Variants in NT5E observed in about 807,000 individuals in gnomAD.
NT5E encodes the protein 5'-nucleotidase.
In NT5E, 53 loss-of-function variants were observed where a neutral mutation model predicts 55.1. That is an observed-to-expected ratio of 0.96 (90% CI 0.77 to 1.21). NT5E has a LOEUF of 1.21. Among genes scored for constraint, NT5E ranks in the 50% most tolerant of loss-of-function variants. The pLI is 0.00. For synonymous variants in NT5E, 270 were observed against 278.4 expected, an observed-to-expected ratio of 0.97 and a Z score of 0.30; for missense variants, 683 against 724.3, an observed-to-expected ratio of 0.94 and a Z score of 0.65.
In NT5E at chr6:85,485,174, C is replaced by A. The variant is rs1487517877; in HGVS notation, c.752-61C>A. On this transcript the variant is annotated intron_variant, in intron 3 of 8. Transcript: ENST00000257770. ...TGTCATCCAGCCAGTAGCCCGCTGG[C>A]CTACAGCCAGCCATGTATGTACAAG... The A allele has an allele frequency of 3.9e-6, 6 of 1,533,884 alleles. No individual in the cohort carries two copies. The Admixed American group carries it at 8.4e-5, about 21-fold the overall frequency.
Position 85,489,611 on chromosome 6 carries a change from G to C in NT5E, c.1210+12G>C, listed in dbSNP as rs9450284. 912,970 of 1,585,018 alleles carry C rather than the reference G, an allele frequency of 0.58. 267,018 individuals carry two copies. The highest frequency in any genetic ancestry group is 0.75 in the Admixed American group (45,066 of 59,774). On this transcript the variant is annotated intron_variant, in intron 6 of 8. Transcript: ENST00000257770. Reference sequence around the variant, plus strand: ...TGAACGCAACAATGGTATGCTCCCAGGCCCAGCTCCTCAGTGTGTCATGTT... The same window carrying C: ...TGAACGCAACAATGGTATGCTCCCACGCCCAGCTCCTCAGTGTGTCATGTT...
At chr6:85,482,669 T>C (rs532961927) in intron 3 of NT5E, among the ~76,000 whole-genome samples, 21 of 152,218 alleles carry the variant, frequency 1.4e-4, no homozygotes, top group African/African-American at 5.1e-4. Flanking sequence ...CTCGGCTAGA[T>C]GACTGGAATA....
chr6:85,475,271 G>T (rs1439802807), intron 3 of NT5E, among the ~76,000 whole-genome samples: 1 of 152,102 alleles, frequency 6.6e-6, no homozygotes. Flanking sequence ...GTTTTTAAAT[G>T]CTGGTTACCA....
At chr6:85,484,726 T>C (rs1769614793) in intron 3 of NT5E, among the ~76,000 whole-genome samples, 1 of 152,072 alleles carries the variant, frequency 6.6e-6, no homozygotes, top group African/African-American at 2.4e-5. Context: ...AGGGAAAAAA[T>C]ACACCCTTAT....
At chr6:85,456,918 G>T (rs1056235953) in intron 1 of NT5E, among the ~76,000 whole-genome samples, 2 of 152,208 alleles carry the variant, frequency 1.3e-5, no homozygotes, top group African/African-American at 4.8e-5. Flanking sequence ...GTATGTGATT[G>T]TTGTCTCCAC....
intron 4 of NT5E, among the ~76,000 whole-genome samples, chr6:85,485,734 A>G (rs75381289): frequency 0.019 from 2,864 of 152,260 alleles, 94 homozygotes; most frequent in African/African-American, 0.065. Flanking sequence ...TACAGGAGAG[A>G]TAACTGAACT....
At chr6:85,461,730 G>C (rs1224059477) in intron 1 of NT5E, among the ~76,000 whole-genome samples, 1 of 152,148 alleles carries the variant, frequency 6.6e-6, no homozygotes, top group Non-Finnish European at 1.5e-5. Context: ...TCCTGCCCCA[G>C]CTTGAAACCA....
At chr6:85,474,183 AT>A (rs1769380037) in intron 3 of NT5E, among the ~76,000 whole-genome samples, 1 of 152,230 alleles carries the variant, frequency 6.6e-6, no homozygotes, top group South Asian at 2.1e-4. Flanking sequence ...CCTCGCATAT[AT>A]TTTAAGTCAT....
chr6:85,491,030 C>G, intron 7 of NT5E: 1 of 530,368 alleles, frequency 1.9e-6, no homozygotes, highest in Non-Finnish European at 3.9e-6. Flanking sequence ...TGGAACCATG[C>G]CAAGATTTAA....
At chr6:85,482,246 G>A (rs927492367) in intron 3 of NT5E, among the ~76,000 whole-genome samples, 3 of 152,108 alleles carry the variant, frequency 2.0e-5, no homozygotes, top group Non-Finnish European at 4.4e-5. Context: ...TATAAGCCCA[G>A]CACTTTTGGA....
At position 85,450,532 on chromosome 6, in the gene NT5E, G is replaced by T; in HGVS notation, c.339+54G>T. 6.6e-7 allele frequency: 1 copy of T among 1,508,520 alleles called. No homozygotes were observed. Among genetic ancestry groups the T allele is most frequent in the South Asian group, 1.2e-5 (1 of 83,260 alleles). The allele number at this position is 1,508,520 out of a possible 1,614,324, so 93.4% of individuals were successfully genotyped here. A position where few individuals can be genotyped will look rare whatever the true frequency, so the allele number is the denominator to read the frequency against. On this transcript the variant is annotated intron_variant, in intron 1 of 8. Coordinates refer to ENST00000257770, the MANE Select transcript of NT5E (RefSeq NM_002526.4). This position sits in a 1 kb window ranked among gnomAD's most constrained non-coding sequence, Gnocchi z 4.0. Reference sequence around the variant, plus strand: ...TAGTCCCGGACTGAGAGAGGAGCCGGGCTGGAAAAGCAGCGGATGGCAGAG... The same window carrying T: ...TAGTCCCGGACTGAGAGAGGAGCCGTGCTGGAAAAGCAGCGGATGGCAGAG...
chr6:85,471,842 G>A (rs1366424170), intron 3 of NT5E, among the ~76,000 whole-genome samples: 1 of 152,140 alleles, frequency 6.6e-6, no homozygotes, highest in Non-Finnish European at 1.5e-5. Context: ...ACTCAAGGTG[G>A]ATTTGATTTG....
chr6:85,492,818 C>A (rs1402342784), intron 8 of NT5E, among the ~76,000 whole-genome samples: 1 of 152,234 alleles, frequency 6.6e-6, no homozygotes, highest in African/African-American at 2.4e-5. Flanking sequence ...ACAAGACACA[C>A]AAGCAGCTTC....
chr6:85,461,089 C>G (rs1446071630), intron 1 of NT5E, among the ~76,000 whole-genome samples: 1 of 152,178 alleles, frequency 6.6e-6, no homozygotes, highest in African/African-American at 2.4e-5. Flanking sequence ...ATCCCTATAA[C>G]CACTTAAAAT....
At chr6:85,490,980 T>A (rs562406822) in intron 7 of NT5E, 16 of 478,068 alleles carry the variant, frequency 3.3e-5, no homozygotes, top group Admixed American at 1.1e-4. Context: ...TTCAATTATT[T>A]TTTTTTTAAA....
At chr6:85,466,292 G>T (rs539760206) in intron 1 of NT5E, among the ~76,000 whole-genome samples, 11 of 152,262 alleles carry the variant, frequency 7.2e-5, no homozygotes, top group Admixed American at 4.6e-4. Flanking sequence ...GGGAAACAAG[G>T]ATTGCTTGTC....
rs753634897 is a variant in NT5E at position 85,467,159 on chromosome 6, A to C, written c.439A>C (p.Lys147Gln). The stretch of plus-strand genomic sequence containing the variant: ...AATTCTGAGTGCAAACATTAAAGCA[A>C]AGGGGCCACTAGCATCTCAAATATC... ...FPILSANIKAKGPLASQISGL... is the reference protein window; with the variant it reads ...FPILSANIKAQGPLASQISGL... The change falls in exon 2 of 9, where the codon AAG (lysine) becomes CAG (glutamine). Residue 147 changes from lysine (K) to glutamine (Q), a missense_variant. Transcript: ENST00000257770. 1.1e-5 allele frequency: 18 copies of C among 1,614,172 alleles called. No homozygotes were observed. The highest frequency in any genetic ancestry group is 1.5e-5 in the Non-Finnish European group (18 of 1,180,024).
At chr6:85,493,230 T>C (rs981490074) in intron 8 of NT5E, among the ~76,000 whole-genome samples, 1 of 152,144 alleles carries the variant, frequency 6.6e-6, no homozygotes, top group Non-Finnish European at 1.5e-5. Flanking sequence ...GTTAACTGGA[T>C]TGGGGCTAAA....
chr6:85,491,877 A>G, intron 7 of NT5E, 100 bp from the exon 8 acceptor site: 1 of 1,043,224 alleles, frequency 9.6e-7, no homozygotes, highest in Non-Finnish European at 1.5e-6. Flanking sequence ...CAAAGGAAAA[A>G]CCACAGCCCC....
Sources: allele counts gnomAD v4.1 joint callset (sites outside exome capture counted in the v4.1 genomes callset), GRCh38; gene constraint gnomAD v4.1.1; non-coding constraint Gnocchi (gnomAD v3.1); transcripts MANE v1.5; gene names NCBI Gene and HGNC (gene_info 2026-07-23, HGNC 2026-07-21).